CHST11: variants seen among roughly 807,000 people sequenced by gnomAD.
The protein encoded by CHST11 is carbohydrate sulfotransferase 11.
Under a neutral mutation model 30.4 loss-of-function variants are expected in CHST11, and 9 were observed. The observed-to-expected ratio is 0.30, with a 90% CI of 0.18 to 0.52. The LOEUF is 0.52. CHST11 is among the 20% of genes least tolerant of loss of function. The pLI is 0.97. For synonymous variants in CHST11, 152 were observed against 187.8 expected, an observed-to-expected ratio of 0.81 and a Z score of 1.56; for missense variants, 348 against 460.6, an observed-to-expected ratio of 0.76 and a Z score of 2.24.
At chr12:104,755,130 G>A (rs1470908695) in intron 2 of CHST11, among the ~76,000 whole-genome samples, 1 of 152,142 alleles carries the variant, frequency 6.6e-6, no homozygotes, top group Non-Finnish European at 1.5e-5. Context: ...CATCCCAATG[G>A]CCCTGTGCAC....
At chr12:104,506,041 C>A (rs905905894) in intron 1 of CHST11, among the ~76,000 whole-genome samples, 1 of 152,180 alleles carries the variant, frequency 6.6e-6, no homozygotes, top group African/African-American at 2.4e-5. Context: ...GGAGGCATCA[C>A]CAAGTCATTC....
chr12:104,661,932 T>C (rs1221328943), intron 2 of CHST11, among the ~76,000 whole-genome samples: 2 of 152,218 alleles, frequency 1.3e-5, no homozygotes, highest in African/African-American at 4.8e-5. Flanking sequence ...GATTAGAACA[T>C]GGAATCTTGG....
At chr12:104,534,672 G>A (rs1031709604) in intron 1 of CHST11, among the ~76,000 whole-genome samples, 2 of 152,214 alleles carry the variant, frequency 1.3e-5, no homozygotes, top group South Asian at 2.1e-4. Flanking sequence ...ATCCTGTATC[G>A]GTGCTGCATG....
At chr12:104,680,009 G>T (rs2136101301) in intron 2 of CHST11, among the ~76,000 whole-genome samples, 1 of 152,278 alleles carries the variant, frequency 6.6e-6, no homozygotes, top group East Asian at 1.9e-4. Flanking sequence ...CCCACCAACT[G>T]GTCTGCTTTC....
At chr12:104,530,306 GT>G (rs1180186096) in intron 1 of CHST11, among the ~76,000 whole-genome samples, 1 of 152,064 alleles carries the variant, frequency 6.6e-6, no homozygotes, top group Non-Finnish European at 1.5e-5. Context: ...ATCATTTCTG[GT>G]CTTAGCCTAT....
rs532753046 is a variant in CHST11, at chr12:104,602,042, T to C, written c.204+51T>C. 1.2e-5 allele frequency: 16 copies of C among 1,333,270 alleles called. No homozygotes were observed. In the African/African-American group the frequency reaches 1.8e-4, roughly 15 times the overall value. 82.6% of individuals were successfully genotyped at this position (1,333,270 alleles called of 1,614,324 possible). A position where few individuals can be genotyped will look rare whatever the true frequency, so the allele number is the denominator to read the frequency against. On this transcript the variant is annotated intron_variant, in intron 2 of 2. Coordinates refer to ENST00000303694, the MANE Select transcript of CHST11 (RefSeq NM_018413.6). ...TGTGAATTTTTTTTTTTTGTAGGTATGGATACTAAAAACTCTAAAATTGTG... is the reference window on the plus strand; with the variant it reads ...TGTGAATTTTTTTTTTTTGTAGGTACGGATACTAAAAACTCTAAAATTGTG...
At chr12:104,471,138 G>T (rs1240326363) in intron 1 of CHST11, among the ~76,000 whole-genome samples, 1 of 152,102 alleles carries the variant, frequency 6.6e-6, no homozygotes, top group Admixed American at 6.5e-5. Flanking sequence ...CAGAATGAGG[G>T]GATAGATGTC....
chr12:104,583,559 C>G (rs1310377831), intron 1 of CHST11, among the ~76,000 whole-genome samples: 2 of 152,142 alleles, frequency 1.3e-5, no homozygotes, highest in Non-Finnish European at 2.9e-5. Context: ...TGGGGCCTCC[C>G]CTATTCATTT....
chr12:104,757,398 A>C lies in CHST11; in HGVS notation c.654A>C (p.Lys218Asn). ...AGCGGTACGGCACCAAGATCATCAA[A>C]CGCCAGCGGAAGAACGCCACCCAGG... ...FHKRYGTKII[K>N]RQRKNATQEA... The change falls in exon 3 of 3, where the codon AAA becomes AAC. Residue 218 changes from lysine to asparagine, a missense_variant. Transcript: ENST00000303694. This position sits in a 1 kb window ranked among gnomAD's most constrained non-coding sequence, Gnocchi z 6.5. 6.2e-7 allele frequency: 1 copy of C among 1,614,064 alleles called. No individual in the cohort carries two copies. Among genetic ancestry groups the C allele is most frequent in the South Asian group, 1.1e-5 (1 of 91,076 alleles).
Position 104,757,530 on chromosome 12 carries a change from C to G in CHST11, c.786C>G (p.Val262=), listed in dbSNP as rs1166634801. The G allele has an allele frequency of 6.2e-7, 1 of 1,614,032 alleles. No individual in the cohort carries two copies. Among genetic ancestry groups the G allele is most frequent in the African/African-American group, 1.3e-5 (1 of 74,926 alleles). The change falls in exon 3 of 3, where the codon GTC becomes GTG. Residue 262 remains valine, a synonymous_variant. Transcript: ENST00000303694. This position sits in a 1 kb window ranked among gnomAD's most constrained non-coding sequence, Gnocchi z 6.5. ...CTTTCAACGAACACTGGCAAACCGT[C>G]TACTCACTCTGCCATCCCTGCCACA... ...EEPFNEHWQT[V]YSLCHPCHIH... is the part of the protein sequence containing the mutation.
intron 1 of CHST11, among the ~76,000 whole-genome samples, chr12:104,494,652 C>T (rs576682007): frequency 6.6e-6 from 1 of 152,316 alleles, no homozygotes; most frequent in African/African-American, 2.4e-5. Flanking sequence ...CGTATTAGCT[C>T]TGTAAGTCAC....
chr12:104,760,399 T>C lies in CHST11; in HGVS notation c.*2596T>C, dbSNP rs2040514605. On this transcript the variant is annotated 3_prime_UTR_variant, in exon 3 of 3. Coordinates refer to ENST00000303694, the MANE Select transcript of CHST11 (RefSeq NM_018413.6). ...CCTCCCAGAGGGAGTGGAGGAAGTC[T>C]TGGGTGGTGTGGACAGAAGGAAGAG... The C allele has an allele frequency of 6.6e-6, 1 of 152,204 alleles. No homozygotes were observed. The highest frequency in any genetic ancestry group is 2.1e-4 in the South Asian group (1 of 4,818). 9.4% of individuals were successfully genotyped at this position (152,204 alleles called of 1,614,324 possible).
chr12:104,622,864 G>T (rs2039173767), intron 2 of CHST11, among the ~76,000 whole-genome samples: 1 of 152,192 alleles, frequency 6.6e-6, no homozygotes, highest in African/African-American at 2.4e-5. Flanking sequence ...AGCAGCCAGA[G>T]CAATAGCCAA....
chr12:104,514,183 A>G (rs2037997619), intron 1 of CHST11: 5 of 932,046 alleles, frequency 5.4e-6, no homozygotes, highest in East Asian at 4.8e-5. Flanking sequence ...GTGGCCACAT[A>G]GGAGTTCCAG....
chr12:104,717,443 C>G (rs1043667449), intron 2 of CHST11, among the ~76,000 whole-genome samples: 1 of 151,910 alleles, frequency 6.6e-6, no homozygotes, highest in African/African-American at 2.4e-5. Context: ...AGTCATTTTC[C>G]GGGGATGGTC....
chr12:104,681,950 C>T (rs1047049407), intron 2 of CHST11, among the ~76,000 whole-genome samples: 1 of 150,822 alleles, frequency 6.6e-6, no homozygotes, highest in African/African-American at 2.4e-5. Context: ...CCTGCCTCAG[C>T]CTCCCGAGTA....
chr12:104,605,404 CCCGCCT>C (rs955055582), intron 2 of CHST11, among the ~76,000 whole-genome samples: 22 of 152,188 alleles, frequency 1.4e-4, no homozygotes, highest in African/African-American at 4.8e-4. Flanking sequence ...ACGGCGAAAC[CCCGCCT>C]CCACTAAAAA....
intron 1 of CHST11, among the ~76,000 whole-genome samples, chr12:104,500,224 T>C (rs1421136720): frequency 2.6e-5 from 4 of 152,242 alleles, no homozygotes; most frequent in African/African-American, 7.2e-5. Context: ...TGGCAGCTTA[T>C]ATCTGAGCTC....
At chr12:104,666,291 T>C (rs1456709441) in intron 2 of CHST11, among the ~76,000 whole-genome samples, 2 of 152,176 alleles carry the variant, frequency 1.3e-5, no homozygotes, top group Non-Finnish European at 2.9e-5. Flanking sequence ...ACTGTTTCCC[T>C]CAAGCTTTCC....
Sources: allele counts gnomAD v4.1 joint callset (sites outside exome capture counted in the v4.1 genomes callset), GRCh38; gene constraint gnomAD v4.1.1; non-coding constraint Gnocchi (gnomAD v3.1); transcripts MANE v1.5; gene names NCBI Gene and HGNC (gene_info 2026-07-23, HGNC 2026-07-21).